The following AMOTL1 variants were observed in gnomAD, a reference collection of about 807,000 sequenced individuals.
AMOTL1 encodes angiomotin-like protein 1.
In AMOTL1, 45 loss-of-function variants were observed where a neutral mutation model predicts 102.9. The ratio of observed to expected loss-of-function variants is 0.44; its 90% CI spans 0.34 to 0.56. The LOEUF (loss-of-function observed/expected upper bound fraction) is 0.56. Among genes scored for constraint, AMOTL1 ranks in the 20% least tolerant of loss-of-function variants. The pLI, the probability that AMOTL1 is intolerant of heterozygous loss-of-function variation, is 0.01. For missense variants in AMOTL1, 1,114 were observed against 1,225.6 expected, an observed-to-expected ratio of 0.91 and a Z score of 1.36; for synonymous variants, 481 against 484.7, an observed-to-expected ratio of 0.99 and a Z score of 0.10.
intron 9 of AMOTL1, among the ~76,000 whole-genome samples, chr11:94,860,944 C>A (rs571853188): frequency 6.6e-6 from 1 of 152,106 alleles, no homozygotes; most frequent in South Asian, 2.1e-4. Context: ...GGGGAGAATC[C>A]CCAGTGGTAT....
chr11:94,790,117 C>T (rs1289744518), intron 1 of AMOTL1, among the ~76,000 whole-genome samples: 2 of 152,142 alleles, frequency 1.3e-5, no homozygotes, highest in African/African-American at 4.8e-5. Context: ...TAGAGACTGG[C>T]TTTGGAGGGA....
intron 9 of AMOTL1, among the ~76,000 whole-genome samples, chr11:94,864,258 A>C (rs1386921880): frequency 3.3e-5 from 5 of 152,022 alleles, no homozygotes; most frequent in Non-Finnish European, 7.4e-5. Flanking sequence ...TACAATAATA[A>C]TAATAATAAT....
chr11:94,768,229 T>C (rs1591945121), upstream of AMOTL1: 2 of 1,154,268 alleles, frequency 1.7e-6, no homozygotes, highest in Non-Finnish European at 2.1e-6. Flanking sequence ...GGCGGGTGTC[T>C]GCAGACGGGC....
intron 2 of AMOTL1, 129 bp downstream of exon 2, chr11:94,795,289 G>T: frequency 8.1e-7 from 1 of 1,241,586 alleles, no homozygotes; most frequent in Non-Finnish European, 1.1e-6. Flanking sequence ...TTGGATTATT[G>T]ATTGTCTGTT....
At chr11:94,798,099 A>G (rs139990806) in intron 2 of AMOTL1, among the ~76,000 whole-genome samples, 9 of 152,296 alleles carry the variant, frequency 5.9e-5, no homozygotes, top group Middle Eastern at 3.4e-3. Flanking sequence ...TGGAATGAAC[A>G]CAGATTTGGT....
At chr11:94,834,308 C>A (rs1307210709) in intron 6 of AMOTL1, among the ~76,000 whole-genome samples, 1 of 152,104 alleles carries the variant, frequency 6.6e-6, no homozygotes, top group East Asian at 1.9e-4. Flanking sequence ...ATGTCTCGGG[C>A]CGGGCGCGGT....
At position 94,869,271 on chromosome 11, in the gene AMOTL1, G is replaced by T. The variant is rs759152512; in HGVS notation, c.2562G>T (p.Leu854=). 8.7e-6 allele frequency: 14 copies of T among 1,613,054 alleles called. 1 individual carries two copies. In the South Asian group the frequency reaches 1.5e-4, roughly 18 times the overall value. ...PLLPPPPTSA[L]SSIASTTAAS... ...TGCCACCCCCACCCACCTCAGCACT[G>T]TCCTCCATAGCCTCCACTACGGCAG... The change falls in exon 12 of 13, where the codon CTG becomes CTT. Residue 854 remains leucine, a synonymous_variant. Transcript: ENST00000433060.
At position 94,869,400 on chromosome 11, in the gene AMOTL1, C is replaced by G. The variant is rs1018154037; in HGVS notation, c.2691C>G (p.Gly897=). 1 of 1,605,250 alleles carries G rather than the reference C, an allele frequency of 6.2e-7. No individual in the cohort carries two copies. The highest frequency in any genetic ancestry group is 1.3e-5 in the African/African-American group (1 of 74,682). The change falls in exon 12 of 13, where the codon GGC becomes GGG. Residue 897 remains glycine (G), a synonymous_variant. Coordinates refer to ENST00000433060, the MANE Select transcript of AMOTL1 (RefSeq NM_130847.3). ...WPSMASLPSR[G]RLSTTPAHSP... ...GCATGGCCTCCCTTCCCAGCCGCGG[C>G]CGGCTGAGCACGACCCCTGCTCACA... is the stretch of plus-strand genomic sequence containing the variant.
At chr11:94,733,165 C>CA (rs1278192502) in intron 2 of AMOTL1, among the ~76,000 whole-genome samples, 1 of 152,234 alleles carries the variant, frequency 6.6e-6, no homozygotes, top group Non-Finnish European at 1.5e-5. Flanking sequence ...CTTCATACTC[C>CA]AGAGCTGCGT....
In AMOTL1 at chr11:94,850,244, C is replaced by T; in HGVS notation, c.1779C>T (p.Ile593=). 1 of 1,595,292 alleles carries T rather than the reference C, an allele frequency of 6.3e-7. No individual in the cohort carries two copies. Among genetic ancestry groups the T allele is most frequent in the South Asian group, 1.1e-5 (1 of 87,276 alleles). Residue 593 remains isoleucine, a synonymous_variant, in exon 7 of 13, where the codon ATC becomes ATT. Coordinates refer to ENST00000433060, the MANE Select transcript of AMOTL1 (RefSeq NM_130847.3). The part of the protein sequence containing the change: ...QALSNAQARV[I]KLEEELREKQ... ...TGAGCAACGCCCAGGCCAGGGTCAT[C>T]AAGCTGGAAGAGGAGGTGAGACCAG...
Position 94,853,641 on chromosome 11 carries a change from A to G in AMOTL1, c.1795-292A>G, listed in dbSNP as rs115588495. On this transcript the variant is annotated intron_variant, in intron 7 of 12. Transcript: ENST00000433060. ...CACTTCCAATGCCTGAAAATGCAGA[A>G]ATTATTAAGCAATAAATGAGTATTG... is the stretch of plus-strand genomic sequence containing the variant. Among the ~76,000 whole-genome samples the G allele has an allele frequency of 6.2e-3, 943 of 152,354 alleles. 11 individuals are homozygous for G. Among genetic ancestry groups the G allele is most frequent in the African/African-American group, 0.021 (885 of 41,578 alleles).
chr11:94,858,623 A>T (rs1952713520), intron 8 of AMOTL1, among the ~76,000 whole-genome samples: 1 of 152,296 alleles, frequency 6.6e-6, no homozygotes, highest in Non-Finnish European at 1.5e-5. Context: ...ACCCCAGGAC[A>T]TAGACTAACT....
intron 1 of AMOTL1, among the ~76,000 whole-genome samples, chr11:94,786,099 C>G (rs1027130289): frequency 6.6e-6 from 1 of 152,124 alleles, no homozygotes. Flanking sequence ...TTTATTAAAA[C>G]TTATCTGAGG....
intron 1 of AMOTL1, among the ~76,000 whole-genome samples, chr11:94,790,274 C>G (rs1951260990): frequency 1.3e-5 from 2 of 152,186 alleles, no homozygotes; most frequent in South Asian, 4.1e-4. Flanking sequence ...AGTACACTGC[C>G]TGTCTTCAAA....
At chr11:94,868,944 CAA>C (rs199534531) in intron 11 of AMOTL1, among the ~76,000 whole-genome samples, 2 of 125,810 alleles carry the variant, frequency 1.6e-5, no homozygotes. Context: ...TTCTCCACTC[CAA>C]AAAAAAAAAA....
At position 94,727,909 on chromosome 11, in the gene AMOTL1, C is replaced by T. The variant is rs149676033; in HGVS notation, c.-50-1012C>T. Reference sequence around the variant, plus strand: ...GTATCATATTTTTCCAGGCAGATAGCCAAAAAGCAACAAGTCAATCTACCA... The same window carrying T: ...GTATCATATTTTTCCAGGCAGATAGTCAAAAAGCAACAAGTCAATCTACCA... On this transcript the variant is annotated intron_variant, in intron 1 of 4. Transcript: ENST00000299004. 8.2e-3 allele frequency among the ~76,000 whole-genome samples: 1,255 copies of T among 152,192 alleles called. 5 individuals are homozygous for T. Among genetic ancestry groups the T allele is most frequent in the Admixed American group, 0.016 (246 of 15,280 alleles).
chr11:94,720,122 T>C (rs753491444), intron 1 of AMOTL1, among the ~76,000 whole-genome samples: 1 of 152,074 alleles, frequency 6.6e-6, no homozygotes, highest in Non-Finnish European at 1.5e-5. Context: ...AGGTAATCCA[T>C]CACTTCTGTG....
chr11:94,720,627 T>C (rs4269878), intron 1 of AMOTL1, among the ~76,000 whole-genome samples: 114,151 of 152,090 alleles, frequency 0.75, 47,079 homozygotes, highest in Non-Finnish European at 0.92. Flanking sequence ...CTCTCTTTCC[T>C]TCTCTCTTTT....
chr11:94,707,671 C>T (rs1291510058), intron 1 of AMOTL1, among the ~76,000 whole-genome samples: 2 of 152,078 alleles, frequency 1.3e-5, no homozygotes, highest in African/African-American at 4.8e-5. Context: ...CAGACTAGAC[C>T]ATATCCAGAA....
Sources: gnomAD v4.1 joint callset for allele counts (sites outside exome capture counted in the v4.1 genomes callset) on GRCh38, gnomAD v4.1.1 for gene constraint, MANE v1.5 for transcripts, NCBI Gene and HGNC (gene_info 2026-07-23, HGNC 2026-07-21) for gene names.